The following SAE1 variants were observed in gnomAD, a reference collection of about 807,000 sequenced individuals.
SAE1 encodes SUMO-activating enzyme subunit 1.
A neutral mutation model predicts 40.6 loss-of-function variants in SAE1; 11 were observed. That is an observed-to-expected ratio of 0.27 (90% CI 0.17 to 0.45). The LOEUF (loss-of-function observed/expected upper bound fraction) is 0.45, where lower values mean the gene tolerates loss of function less well. Ranked by LOEUF, SAE1 falls within the 20% of genes least tolerant of loss-of-function variation. The pLI is 1.00. For missense variants in SAE1, 373 were observed against 427.3 expected (o/e 0.87, Z 1.12); for synonymous variants, 155 against 154.3 (o/e 1.00, Z -0.03).
chr19:47,196,016 G>GTGCCATCACACTC (rs907129750), intron 6 of SAE1, among the ~76,000 whole-genome samples: 3 of 147,644 alleles, frequency 2.0e-5, no homozygotes, highest in African/African-American at 7.5e-5. Context: ...TTGCAGATGT[G>GTGCCATCACACTC]TGCCATCACA....
At chr19:47,184,781 TTTTTGTTTTTG>T (rs1203942554) in intron 6 of SAE1, among the ~76,000 whole-genome samples, 47 of 148,742 alleles carry the variant, frequency 3.2e-4, no homozygotes, top group Middle Eastern at 3.4e-3. Context: ...TGTGGGGTTT[TTTTTGTTTTTG>T]TTTTGTTTTT....
At chr19:47,204,163 A>G (rs1466568956) in intron 8 of SAE1, among the ~76,000 whole-genome samples, 1 of 132,342 alleles carries the variant, frequency 7.6e-6, no homozygotes, top group African/African-American at 2.9e-5. Flanking sequence ...ATCTCTATTC[A>G]TCACCATGAC....
Position 47,197,234 on chromosome 19 carries a change from G to A in SAE1, c.735G>A (p.Val245=), listed in dbSNP as rs771000371. 11 of 1,596,706 alleles carry A rather than the reference G, an allele frequency of 6.9e-6. No individual in the cohort carries two copies. In the East Asian group the frequency reaches 2.0e-4, roughly 29 times the overall value. ...RTTSDYFLLQ[V]LLKFRTDKGR... is the part of the protein sequence containing the mutation. ...CTGCCTTCTTTTTCTTATTCCCAGT[G>A]CTCTTAAAGTTCCGTACAGATAAAG... The change falls in exon 7 of 9, where the codon GTG becomes GTA. Residue 245 remains valine, a splice_region_variant and synonymous_variant. Transcript: ENST00000270225.
Position 47,130,888 on chromosome 19 carries a change from T to G in SAE1, c.-43T>G. 2 of 1,546,400 alleles carry G rather than the reference T, an allele frequency of 1.3e-6. No individual in the cohort carries two copies. Among genetic ancestry groups the G allele is most frequent in the Non-Finnish European group, 1.7e-6 (2 of 1,145,522 alleles). Reference sequence around the variant, plus strand: ...GTGGCGCGCGGGTCCGGCGGGCGGTTGGCTTGAGCGGGACCGGAGCTGAGG... The same window carrying G: ...GTGGCGCGCGGGTCCGGCGGGCGGTGGGCTTGAGCGGGACCGGAGCTGAGG... On this transcript the variant is annotated 5_prime_UTR_variant, in exon 1 of 9. Coordinates refer to ENST00000270225, the MANE Select transcript of SAE1 (RefSeq NM_005500.3).
intron 6 of SAE1, among the ~76,000 whole-genome samples, chr19:47,184,399 TTTTG>T (rs1447481205): frequency 6.6e-6 from 1 of 152,062 alleles, no homozygotes. Context: ...ATTCTGTCTT[TTTTG>T]TTTTTTGCTT....
At chr19:47,134,283 G>A (rs972571974) in intron 1 of SAE1, among the ~76,000 whole-genome samples, 5 of 152,032 alleles carry the variant, frequency 3.3e-5, no homozygotes, top group Admixed American at 3.3e-4. Context: ...GGGTTGGGGA[G>A]GCAGACACGT....
At chr19:47,182,764 C>A (rs1039997908) in intron 6 of SAE1, among the ~76,000 whole-genome samples, 1 of 152,174 alleles carries the variant, frequency 6.6e-6, no homozygotes, top group East Asian at 1.9e-4. Flanking sequence ...TAGATGAAGG[C>A]CTGGCACACA....
intron 6 of SAE1, among the ~76,000 whole-genome samples, chr19:47,193,825 CAAA>C (rs1174941973): frequency 3.4e-5 from 3 of 87,788 alleles, no homozygotes; most frequent in Non-Finnish European, 4.7e-5. Context: ...AAGATTGTCT[CAAA>C]AAAAAAAAAA....
chr19:47,164,241 T>A (rs959518165), intron 5 of SAE1, among the ~76,000 whole-genome samples: 4 of 152,148 alleles, frequency 2.6e-5, no homozygotes, highest in Non-Finnish European at 5.9e-5. Context: ...CAATCTCGGC[T>A]CACTGCAAGC....
At chr19:47,189,785 T>G (rs778288624) in intron 6 of SAE1, among the ~76,000 whole-genome samples, 61 of 152,190 alleles carry the variant, frequency 4.0e-4, no homozygotes, top group Non-Finnish European at 6.5e-4. Flanking sequence ...TGACTTTATT[T>G]TCTTCCTACT....
chr19:47,134,491 G>A lies in SAE1; in HGVS notation c.98+3463G>A, dbSNP rs77554348. On this transcript the variant is annotated intron_variant, in intron 1 of 8. Coordinates refer to ENST00000270225, the MANE Select transcript of SAE1 (RefSeq NM_005500.3). ...AGATTGGGAATTAAGTGATGAGAATGTGCCTCTGGACATAGGTGGACTGCA... is the reference window on the plus strand; with the variant it reads ...AGATTGGGAATTAAGTGATGAGAATATGCCTCTGGACATAGGTGGACTGCA... Among the ~76,000 whole-genome samples, 32 of 152,204 alleles carry A rather than the reference G, an allele frequency of 2.1e-4. 1 individual carries two copies. The East Asian group carries it at 2.5e-3, about 12-fold the overall frequency.
intron 5 of SAE1, among the ~76,000 whole-genome samples, chr19:47,155,891 C>T (rs1003814953): frequency 6.6e-6 from 1 of 150,898 alleles, no homozygotes. Flanking sequence ...CAGGTGTGTG[C>T]CACCACACCC....
At chr19:47,182,234 AT>A (rs1388018433) in intron 6 of SAE1, among the ~76,000 whole-genome samples, 3 of 152,042 alleles carry the variant, frequency 2.0e-5, no homozygotes, top group African/African-American at 7.2e-5. Context: ...GAAACTTCTT[AT>A]TTTAGAACTT....
chr19:47,130,915 AG>A lies in SAE1; in HGVS notation c.-14del. On this transcript the variant is annotated 5_prime_UTR_variant, in exon 1 of 9. Transcript: ENST00000270225. The stretch of plus-strand genomic sequence containing the variant: ...GCTTGAGCGGGACCGGAGCTGAGGC[AG>A]GAAGAGCCGGCGCCATGGTGGAGAA... 6.5e-7 allele frequency: 1 copy of A among 1,549,230 alleles called. No individual in the cohort carries two copies. Among genetic ancestry groups the A allele is most frequent in the Non-Finnish European group, 8.7e-7 (1 of 1,146,496 alleles).
intron 5 of SAE1, among the ~76,000 whole-genome samples, chr19:47,165,997 T>C (rs1025572014): frequency 2.0e-5 from 3 of 152,228 alleles, no homozygotes; most frequent in Non-Finnish European, 4.4e-5. Context: ...CTGTGCCCAC[T>C]TCTGGCTGTC....
chr19:47,146,746 A>G (rs1362121274), intron 2 of SAE1, among the ~76,000 whole-genome samples: 1 of 152,194 alleles, frequency 6.6e-6, no homozygotes. Context: ...TCCAGAGCCC[A>G]TGTTCTCAGC....
chr19:47,173,687 A>G (rs1449837610), intron 6 of SAE1, among the ~76,000 whole-genome samples: 1 of 152,154 alleles, frequency 6.6e-6, no homozygotes, highest in Non-Finnish European at 1.5e-5. Flanking sequence ...TCTAACATCA[A>G]AAAATGTTTC....
intron 6 of SAE1, among the ~76,000 whole-genome samples, chr19:47,188,866 T>G (rs1157189321): frequency 6.6e-6 from 1 of 152,186 alleles, no homozygotes; most frequent in Non-Finnish European, 1.5e-5. Flanking sequence ...TCAGAGACTA[T>G]GAGGACTGAG....
chr19:47,155,333 T>C, intron 5 of SAE1, 120 bp downstream of exon 5: 1 of 607,712 alleles, frequency 1.6e-6, no homozygotes, highest in Non-Finnish European at 2.9e-6. Flanking sequence ...GCTTGTCCCA[T>C]CTAAAGGGAG....
Sources: gnomAD v4.1 joint callset for allele counts (sites outside exome capture counted in the v4.1 genomes callset) on GRCh38, gnomAD v4.1.1 for gene constraint, MANE v1.5 for transcripts, NCBI Gene and HGNC (gene_info 2026-07-23, HGNC 2026-07-21) for gene names.